Variants in TM9SF4 observed in about 807,000 individuals in gnomAD.
TM9SF4 encodes the protein dinucleotide oxidase disulfide thiol exchanger 3 superfamily member 4.
In TM9SF4, 26 loss-of-function variants were observed where a neutral mutation model predicts 90.4. The observed-to-expected ratio is 0.29, with a 90% CI of 0.21 to 0.40. TM9SF4 has a LOEUF of 0.40. TM9SF4 is among the 10% of genes least tolerant of loss of function. The pLI, the probability that TM9SF4 is intolerant of heterozygous loss-of-function variation, is 1.00. For synonymous variants in TM9SF4, 293 were observed against 315.4 expected (o/e 0.93, Z 0.75); for missense variants, 549 against 834.8 (o/e 0.66, Z 4.22).
intron 12 of TM9SF4, among the ~76,000 whole-genome samples, chr20:32,152,719 C>A (rs945169651): frequency 6.6e-6 from 1 of 152,322 alleles, no homozygotes; most frequent in South Asian, 2.1e-4. Context: ...ACCACCCTTT[C>A]TTCTCACCTG....
chr20:32,135,544 G>A (rs1339373319), intron 2 of TM9SF4, among the ~76,000 whole-genome samples: 2 of 152,144 alleles, frequency 1.3e-5, no homozygotes, highest in Non-Finnish European at 2.9e-5. Context: ...AGTGGATACC[G>A]GGGAGTTCCT....
At chr20:32,129,012 C>T (rs73104697) in intron 1 of TM9SF4, among the ~76,000 whole-genome samples, 278 of 151,712 alleles carry the variant, frequency 1.8e-3, no homozygotes, top group Non-Finnish European at 2.6e-3. Context: ...ATTTAAGTGG[C>T]ATACATACTA....
At chr20:32,131,481 AGTGTGTGT>A (rs10524812) in intron 1 of TM9SF4, among the ~76,000 whole-genome samples, 1,487 of 147,650 alleles carry the variant, frequency 0.01, 18 homozygotes, top group African/African-American at 0.035. Context: ...GAGTCATCAG[AGTGTGTGT>A]GTGTGTGTGT....
chr20:32,113,427 AAAGTT>A (rs1371347035), intron 1 of TM9SF4, among the ~76,000 whole-genome samples: 2 of 152,190 alleles, frequency 1.3e-5, no homozygotes, highest in Non-Finnish European at 2.9e-5. Context: ...ACTACTCTGT[AAAGTT>A]ACAGGATACA....
chr20:32,124,228 C>G (rs1363358194), intron 1 of TM9SF4, among the ~76,000 whole-genome samples: 1 of 151,950 alleles, frequency 6.6e-6, no homozygotes, highest in Admixed American at 6.6e-5. Context: ...AAAATCATCC[C>G]GAAGTAACGG....
At chr20:32,133,868 G>A (rs765902963) in intron 2 of TM9SF4, among the ~76,000 whole-genome samples, 11 of 152,068 alleles carry the variant, frequency 7.2e-5, no homozygotes, top group East Asian at 3.8e-4. Flanking sequence ...GTGCAGTGGC[G>A]TGAGCATAGC....
At chr20:32,123,622 G>T (rs2046368415) in intron 1 of TM9SF4, among the ~76,000 whole-genome samples, 1 of 149,304 alleles carries the variant, frequency 6.7e-6, no homozygotes. Context: ...CTTTCTCTTT[G>T]GTGTATTTTT....
chr20:32,120,703 G>A (rs1569046550), intron 1 of TM9SF4, among the ~76,000 whole-genome samples: 1 of 152,142 alleles, frequency 6.6e-6, no homozygotes, highest in Non-Finnish European at 1.5e-5. Flanking sequence ...GCAAGAGTAG[G>A]CATCCTTGCC....
At chr20:32,153,776 ACT>A (rs2122452308) in intron 12 of TM9SF4, among the ~76,000 whole-genome samples, 1 of 152,162 alleles carries the variant, frequency 6.6e-6, no homozygotes, top group East Asian at 1.9e-4. Context: ...CTCAACTGTA[ACT>A]CTGGTGCATT....
At position 32,141,653 on chromosome 20, in the gene TM9SF4, A is replaced by C; in HGVS notation, c.386A>C (p.Tyr129Ser). The change falls in exon 4 of 18, where the codon TAC (tyrosine) becomes TCC (serine). Residue 129 changes from tyrosine (Y) to serine (S), a missense_variant. Tyr to Ser is a moderately radical substitution (Grantham distance 144). Transcript: ENST00000398022. ...GTGGCCGAGCGGATCACAGAAGACT[A>C]CTACGTCCACCTGTAAGTCGCCCTG... ...RLVAERITED[Y>S]YVHLIADNLP... is the part of the protein sequence containing the mutation. 1 of 1,614,120 alleles carries C rather than the reference A, an allele frequency of 6.2e-7. No homozygotes were observed. Among genetic ancestry groups the C allele is most frequent in the Non-Finnish European group, 8.5e-7 (1 of 1,180,008 alleles).
chr20:32,135,719 T>G (rs1322224060), intron 2 of TM9SF4, among the ~76,000 whole-genome samples: 2 of 152,190 alleles, frequency 1.3e-5, no homozygotes, highest in Non-Finnish European at 2.9e-5. Context: ...AAGATCACTA[T>G]GGTTATGAAT....
At chr20:32,150,221 C>G (rs1359221794) in intron 10 of TM9SF4, among the ~76,000 whole-genome samples, 1 of 152,198 alleles carries the variant, frequency 6.6e-6, no homozygotes, top group Non-Finnish European at 1.5e-5. Context: ...CTTGGACAGG[C>G]CACTTGACCT....
Position 32,146,824 on chromosome 20 carries a change from A to AC in TM9SF4, c.924dup (p.Ile309HisfsTer9), listed in dbSNP as rs1164528070. On this transcript the variant is annotated frameshift_variant, in exon 9 of 18. Coordinates refer to ENST00000398022, the MANE Select transcript of TM9SF4 (RefSeq NM_014742.4). LOFTEE classifies it high-confidence loss of function. ...ATTATCATTCGGACCCTCCGGAAGG[A>AC]CATTGCCAACTACAACAAGGAGGAT... is the stretch of plus-strand genomic sequence containing the variant. 2 of 1,613,952 alleles carry AC rather than the reference A, an allele frequency of 1.2e-6. No homozygotes were observed. The highest frequency in any genetic ancestry group is 2.7e-5 in the African/African-American group (2 of 74,922).
chr20:32,142,852 G>A, intron 5 of TM9SF4, 130 bp from the exon 6 acceptor site: 1 of 1,228,234 alleles, frequency 8.1e-7, no homozygotes, highest in Non-Finnish European at 1.1e-6. Context: ...CTTCTGAGTA[G>A]GGGAGTGATG....
At chr20:32,115,874 T>G (rs1334463232) in intron 1 of TM9SF4, among the ~76,000 whole-genome samples, 1 of 131,156 alleles carries the variant, frequency 7.6e-6, no homozygotes, top group African/African-American at 2.9e-5. Flanking sequence ...AGTGCAATGG[T>G]GCGATCTCAG....
intron 6 of TM9SF4, 98 bp downstream of exon 6, chr20:32,143,203 G>A: frequency 1.4e-6 from 2 of 1,470,490 alleles, no homozygotes; most frequent in South Asian, 1.3e-5. Flanking sequence ...CTGGCCGATG[G>A]GCTCGGGTGT....
chr20:32,142,040 T>C, intron 5 of TM9SF4, 145 bp downstream of exon 5: 2 of 1,329,732 alleles, frequency 1.5e-6, no homozygotes, highest in East Asian at 2.4e-5. Flanking sequence ...GTCCGAGTGC[T>C]CCGGGCAAGT....
chr20:32,159,736 A>G, intron 15 of TM9SF4: 1 of 493,138 alleles, frequency 2.0e-6, no homozygotes, highest in Non-Finnish European at 3.6e-6. Flanking sequence ...TTTGGATAAG[A>G]ATCATTATTT....
intron 1 of TM9SF4, among the ~76,000 whole-genome samples, chr20:32,118,959 G>A (rs1394586751): frequency 6.6e-6 from 1 of 151,478 alleles, no homozygotes; most frequent in Non-Finnish European, 1.5e-5. Context: ...GGTGATCCAT[G>A]TATGTGGAAA....
Sources: gnomAD v4.1 joint callset for allele counts (sites outside exome capture counted in the v4.1 genomes callset) on GRCh38, gnomAD v4.1.1 for gene constraint, MANE v1.5 for transcripts, NCBI Gene and HGNC (gene_info 2026-07-23, HGNC 2026-07-21) for gene names.